Variants in HRH1 observed in about 807,000 individuals in gnomAD.
The protein encoded by HRH1 is histamine receptor H1.
Under a neutral mutation model 10.3 loss-of-function variants are expected in HRH1, and 6 were observed. That is an observed-to-expected ratio of 0.58 (90% CI 0.32 to 1.15). The LOEUF (loss-of-function observed/expected upper bound fraction) is 1.15. Ranked by LOEUF, HRH1 falls within the 50% of genes most tolerant of loss-of-function variation. The pLI, the probability that HRH1 is intolerant of heterozygous loss-of-function variation, is 0.05. For synonymous variants in HRH1, 242 were observed against 236.7 expected, an observed-to-expected ratio of 1.02 and a Z score of -0.21; for missense variants, 514 against 615.3, an observed-to-expected ratio of 0.84 and a Z score of 1.74.
At chr3:11,188,034 A>C (rs1386951943) in intron 1 of HRH1, among the ~76,000 whole-genome samples, 4 of 152,252 alleles carry the variant, frequency 2.6e-5, no homozygotes, top group Admixed American at 6.5e-5. Context: ...GTTCAAGCCA[A>C]GTCAGCAAAG....
At chr3:11,215,904 C>CT (rs529661213) in intron 1 of HRH1, among the ~76,000 whole-genome samples, 116 of 148,216 alleles carry the variant, frequency 7.8e-4, no homozygotes, top group South Asian at 4.7e-3. Context: ...TTGTAGCCTC[C>CT]TTTTTTTTTT....
chr3:11,156,315 C>T (rs540450848), intron 1 of HRH1, among the ~76,000 whole-genome samples: 6 of 152,072 alleles, frequency 3.9e-5, no homozygotes, highest in African/African-American at 9.7e-5. Flanking sequence ...GGGTGGAGGC[C>T]GGAGCAGCCT....
At chr3:11,246,824 T>C (rs935796498) in intron 1 of HRH1, among the ~76,000 whole-genome samples, 2 of 152,120 alleles carry the variant, frequency 1.3e-5, no homozygotes, top group East Asian at 1.9e-4. Context: ...GGAGGGCAGA[T>C]GGCTTGAGCC....
intron 1 of HRH1, among the ~76,000 whole-genome samples, chr3:11,223,451 A>G (rs1235400173): frequency 6.6e-6 from 1 of 151,840 alleles, no homozygotes; most frequent in Admixed American, 6.6e-5. Context: ...GTGAGCAGAG[A>G]TGGCGCCACT....
intron 1 of HRH1, among the ~76,000 whole-genome samples, chr3:11,157,572 G>A (rs1192251930): frequency 6.6e-6 from 1 of 152,188 alleles, no homozygotes; most frequent in Non-Finnish European, 1.5e-5. Flanking sequence ...AGAGGACTAA[G>A]ACGCATACTC....
intron 1 of HRH1, among the ~76,000 whole-genome samples, chr3:11,175,283 A>T (rs1340106967): frequency 6.6e-6 from 1 of 152,268 alleles, no homozygotes. Context: ...CAGCAAGATT[A>T]TTCAGACACC....
intron 1 of HRH1, among the ~76,000 whole-genome samples, chr3:11,209,793 A>G (rs1013112941): frequency 1.4e-4 from 22 of 152,166 alleles, no homozygotes; most frequent in African/African-American, 5.3e-4. Flanking sequence ...TTAGTACTCT[A>G]TTTTACAGAG....
At chr3:11,224,902 C>T (rs1938833401) in intron 1 of HRH1, among the ~76,000 whole-genome samples, 2 of 152,068 alleles carry the variant, frequency 1.3e-5, no homozygotes, top group South Asian at 4.1e-4. Flanking sequence ...TTCTTATCCT[C>T]GATAAATATG....
At chr3:11,253,625 C>T (rs569465131) in intron 1 of HRH1, among the ~76,000 whole-genome samples, 22 of 152,216 alleles carry the variant, frequency 1.4e-4, no homozygotes, top group Non-Finnish European at 2.6e-4. Context: ...TCTCAAATTC[C>T]TTTTATTACC....
chr3:11,184,587 G>C (rs997677056), intron 1 of HRH1, among the ~76,000 whole-genome samples: 1 of 152,002 alleles, frequency 6.6e-6, no homozygotes, highest in Non-Finnish European at 1.5e-5. Flanking sequence ...TTCCTAACAC[G>C]CCGAGATAAT....
chr3:11,217,287 T>G (rs1306585757), intron 1 of HRH1, among the ~76,000 whole-genome samples: 1 of 151,346 alleles, frequency 6.6e-6, no homozygotes, highest in Non-Finnish European at 1.5e-5. Context: ...CCCAGCCCTT[T>G]GGAGGGCTGA....
chr3:11,205,907 G>C (rs1287405234), intron 1 of HRH1, among the ~76,000 whole-genome samples: 2 of 152,084 alleles, frequency 1.3e-5, no homozygotes, highest in East Asian at 3.9e-4. Flanking sequence ...TGATCCGCCC[G>C]CCGCGGCCTC....
chr3:11,162,990 A>T (rs957675354), intron 1 of HRH1, among the ~76,000 whole-genome samples: 3 of 152,164 alleles, frequency 2.0e-5, no homozygotes, highest in Non-Finnish European at 4.4e-5. Context: ...ACTTGCTCTG[A>T]ATTGGAAGTG....
intron 1 of HRH1, among the ~76,000 whole-genome samples, chr3:11,217,562 G>T (rs550098145): frequency 1.3e-5 from 2 of 152,178 alleles, no homozygotes; most frequent in South Asian, 2.1e-4. Context: ...AATGGTGAGT[G>T]CCAGGGGTTG....
rs184442068 is a variant in HRH1, at chr3:11,220,247, A to G, written c.-35-38756A>G. Among the ~76,000 whole-genome samples the G allele has an allele frequency of 3.1e-4, 47 of 152,288 alleles. 1 individual carries two copies. Among genetic ancestry groups the G allele is most frequent in the Admixed American group, 2.6e-3 (39 of 15,290 alleles). ...TATATATGTTAGTTGTTTCGTTCCA[A>G]AAAGAATTGGACCTGGGTCTAAGAA... is the stretch of plus-strand genomic sequence containing the variant. On this transcript the variant is annotated intron_variant, in intron 1 of 1. Transcript: ENST00000431010.
chr3:11,182,738 C>G (rs1327868955), intron 1 of HRH1, among the ~76,000 whole-genome samples: 1 of 152,154 alleles, frequency 6.6e-6, no homozygotes. Flanking sequence ...CTGCCCGTAT[C>G]CTGTTCAGTC....
intron 1 of HRH1, among the ~76,000 whole-genome samples, chr3:11,140,436 C>T (rs897324840): frequency 1.9e-4 from 29 of 152,304 alleles, no homozygotes; most frequent in African/African-American, 5.3e-4. Flanking sequence ...CACCAAGGCT[C>T]TTCCACACAC....
rs535170846 is a variant in HRH1 at position 11,177,905 on chromosome 3, T to C, written c.-36+23351T>C. Among the ~76,000 whole-genome samples, 57 of 152,066 alleles carry C rather than the reference T, an allele frequency of 3.7e-4. 1 individual carries two copies. In the Middle Eastern group the frequency reaches 0.02, roughly 54 times the overall value. ...TTCTCACTTGGCACAAAGGCAGGAG[T>C]CAGAGTGTTCCTGCTGCCACCCCAC... On this transcript the variant is annotated intron_variant, in intron 1 of 1. Coordinates refer to ENST00000431010, the MANE Select transcript of HRH1 (RefSeq NM_001098212.2).
rs183162239 is a variant in HRH1, at chr3:11,180,025, A to G, written c.-36+25471A>G. ...CAATCCTCCTGCCTTGGCCTCCCAAAGCGCTGGAATTACAGGCATGCACCA... is the reference window on the plus strand; with the variant it reads ...CAATCCTCCTGCCTTGGCCTCCCAAGGCGCTGGAATTACAGGCATGCACCA... On this transcript the variant is annotated intron_variant, in intron 1 of 1. Transcript: ENST00000431010. Among the ~76,000 whole-genome samples the G allele has an allele frequency of 2.0e-5, 3 of 152,170 alleles. No homozygotes were observed. The East Asian group carries it at 5.8e-4, about 29-fold the overall frequency.
Sources: allele counts gnomAD v4.1 joint callset (sites outside exome capture counted in the v4.1 genomes callset), GRCh38; gene constraint gnomAD v4.1.1; transcripts MANE v1.5; gene names NCBI Gene and HGNC (gene_info 2026-07-23, HGNC 2026-07-21).